MAGI2: variants seen among roughly 807,000 people sequenced by gnomAD.
MAGI2 encodes membrane-associated guanylate kinase, WW and PDZ domain-containing protein 2.
Under a neutral mutation model 133.3 loss-of-function variants are expected in MAGI2, and 35 were observed. The ratio of observed to expected loss-of-function variants is 0.26; its 90% CI spans 0.20 to 0.35. The LOEUF is 0.35. MAGI2 is among the 10% of genes least tolerant of loss of function. The probability of loss-of-function intolerance (pLI) is 1.00; values close to 1 mark genes in which losing one functional copy is unlikely to be tolerated. For synonymous variants in MAGI2, 729 were observed against 710.6 expected (o/e 1.03, Z -0.41); for missense variants, 1,636 against 1,863.4 (o/e 0.88, Z 2.25).
intron 1 of MAGI2, among the ~76,000 whole-genome samples, chr7:79,395,119 G>A (rs183955221): frequency 9.2e-4 from 140 of 152,226 alleles, no homozygotes; most frequent in Middle Eastern, 6.8e-3. Flanking sequence ...CTTTTAATGG[G>A]TTATAAAAAT....
At chr7:78,909,156 TA>T (rs1798201348) in intron 2 of MAGI2, among the ~76,000 whole-genome samples, 1 of 147,450 alleles carries the variant, frequency 6.8e-6, no homozygotes, top group Non-Finnish European at 1.5e-5. Flanking sequence ...AGGCAAAGAA[TA>T]TGAACAGACA....
intron 1 of MAGI2, among the ~76,000 whole-genome samples, chr7:79,364,156 G>T (rs1258726278): frequency 6.6e-6 from 1 of 151,880 alleles, no homozygotes; most frequent in Non-Finnish European, 1.5e-5. Flanking sequence ...AAATTAGACA[G>T]CCATTATAAA....
chr7:78,685,902 G>A (rs10227946), intron 2 of MAGI2, among the ~76,000 whole-genome samples: 41,546 of 150,994 alleles, frequency 0.28, 5,735 homozygotes, highest in Middle Eastern at 0.31. Context: ...TAGTACTTAC[G>A]TTCAAAAAAT....
At position 78,994,634 on chromosome 7, in the gene MAGI2, G is replaced by C. The variant is rs543296721; in HGVS notation, c.418+12456C>G. On this transcript the variant is annotated intron_variant, in intron 2 of 21. Coordinates refer to ENST00000354212, the MANE Select transcript of MAGI2 (RefSeq NM_012301.4). ...ATAATACATCACACAAATGGATATAGGCATCAGATAGACCTAGGTTTGAAT... is the reference window on the plus strand; with the variant it reads ...ATAATACATCACACAAATGGATATACGCATCAGATAGACCTAGGTTTGAAT... Among the ~76,000 whole-genome samples the C allele has an allele frequency of 2.0e-5, 3 of 152,150 alleles. No homozygotes were observed. The South Asian group carries it at 6.2e-4, about 32-fold the overall frequency.
chr7:78,037,683 A>G (rs1329093935), intron 21 of MAGI2, among the ~76,000 whole-genome samples: 1 of 152,216 alleles, frequency 6.6e-6, no homozygotes, highest in Admixed American at 6.5e-5. Context: ...GTGGTTTATC[A>G]AGCCTTGAAT....
chr7:78,065,007 C>T (rs918594866), intron 21 of MAGI2, among the ~76,000 whole-genome samples: 3 of 151,972 alleles, frequency 2.0e-5, no homozygotes, highest in Admixed American at 2.0e-4. Context: ...CAATTGGGCC[C>T]TTAAAATTTT....
chr7:78,800,731 G>A (rs1787992133), intron 2 of MAGI2, among the ~76,000 whole-genome samples: 1 of 152,116 alleles, frequency 6.6e-6, no homozygotes, highest in Non-Finnish European at 1.5e-5. Context: ...GTCTTGCTCA[G>A]TAGGACTTTA....
At chr7:78,277,388 C>T (rs1200072080) in intron 9 of MAGI2, among the ~76,000 whole-genome samples, 1 of 152,098 alleles carries the variant, frequency 6.6e-6, no homozygotes, top group Non-Finnish European at 1.5e-5. Flanking sequence ...AGAAAATAAT[C>T]ACCCTTATTT....
chr7:78,074,211 G>A (rs1380425132), intron 21 of MAGI2, among the ~76,000 whole-genome samples: 1 of 152,114 alleles, frequency 6.6e-6, no homozygotes, highest in Non-Finnish European at 1.5e-5. Flanking sequence ...CATATTTGCG[G>A]CATGTTTACT....
At chr7:78,383,899 G>A (rs2151298018) in intron 6 of MAGI2, among the ~76,000 whole-genome samples, 1 of 152,166 alleles carries the variant, frequency 6.6e-6, no homozygotes, top group African/African-American at 2.4e-5. Flanking sequence ...ATATCAGCTA[G>A]CTGTAAATAT....
chr7:79,068,115 C>T (rs1814558579), intron 1 of MAGI2, among the ~76,000 whole-genome samples: 1 of 152,094 alleles, frequency 6.6e-6, no homozygotes, highest in South Asian at 2.1e-4. Flanking sequence ...TGATGCTGGC[C>T]TCATAAAATG....
chr7:79,292,770 C>CAAAAAAAAAAAAA lies in MAGI2; in HGVS notation c.301+160237_301+160249dup, dbSNP rs199933554. ...TTTTGGACCACTTTGTCAATTTCTGCAAAAAAAAAAAAAAAAAAAAAAAAA... is the reference window on the plus strand; with the variant it reads ...TTTTGGACCACTTTGTCAATTTCTGCAAAAAAAAAAAAAAAAAAAAAAAAAAAAAAAAAAAAAA... On this transcript the variant is annotated intron_variant, in intron 1 of 21. Transcript: ENST00000354212. Among the ~76,000 whole-genome samples, 17 of 57,408 alleles carry CAAAAAAAAAAAAA rather than the reference C, an allele frequency of 3.0e-4. 4 individuals are homozygous for CAAAAAAAAAAAAA. The highest frequency in any genetic ancestry group is 4.0e-4 in the East Asian group (1 of 2,526). The allele number at this position is 57,408 out of a possible 152,430, so 37.7% of individuals were successfully genotyped here. A position where few individuals can be genotyped will look rare whatever the true frequency, so the allele number is the denominator to read the frequency against.
chr7:79,049,477 G>A (rs1014886821), intron 1 of MAGI2, among the ~76,000 whole-genome samples: 1 of 152,098 alleles, frequency 6.6e-6, no homozygotes, highest in Non-Finnish European at 1.5e-5. Context: ...GCTAGAAAAG[G>A]ATGGATCCCT....
intron 1 of MAGI2, among the ~76,000 whole-genome samples, chr7:79,026,637 C>G (rs184306157): frequency 1.3e-5 from 2 of 151,962 alleles, no homozygotes; most frequent in African/African-American, 4.8e-5. Flanking sequence ...CTTTGGGAGG[C>G]TGAGGCGAGC....
intron 2 of MAGI2, among the ~76,000 whole-genome samples, chr7:78,938,261 G>C (rs1490948314): frequency 1.3e-5 from 2 of 152,024 alleles, no homozygotes; most frequent in Non-Finnish European, 2.9e-5. Context: ...CATACAAAGA[G>C]ATATTGAAAG....
At chr7:78,198,544 C>G (rs893532601) in intron 11 of MAGI2, among the ~76,000 whole-genome samples, 1 of 152,002 alleles carries the variant, frequency 6.6e-6, no homozygotes, top group Non-Finnish European at 1.5e-5. Flanking sequence ...TGATCCTCCC[C>G]GCTCAGTCTC....
chr7:79,224,887 G>A (rs182606275), intron 1 of MAGI2, among the ~76,000 whole-genome samples: 70 of 152,312 alleles, frequency 4.6e-4, no homozygotes, highest in African/African-American at 1.6e-3. Flanking sequence ...TGATTGTGGT[G>A]ATAGTTACAT....
chr7:79,199,561 T>C (rs1164755775), intron 1 of MAGI2, among the ~76,000 whole-genome samples: 1 of 152,016 alleles, frequency 6.6e-6, no homozygotes, highest in Non-Finnish European at 1.5e-5. Context: ...TAAAAGCACG[T>C]TTCTTAACCT....
At chr7:79,187,095 T>C (rs1175533553) in intron 1 of MAGI2, among the ~76,000 whole-genome samples, 2 of 151,540 alleles carry the variant, frequency 1.3e-5, no homozygotes, top group Admixed American at 6.6e-5. Context: ...TGTGGGAAAT[T>C]AGTAGCATCC....
Sources: gnomAD v4.1 joint callset for allele counts (sites outside exome capture counted in the v4.1 genomes callset) on GRCh38, gnomAD v4.1.1 for gene constraint, MANE v1.5 for transcripts, NCBI Gene and HGNC (gene_info 2026-07-23, HGNC 2026-07-21) for gene names.